The following EXD2 variants were observed in gnomAD, a reference collection of about 807,000 sequenced individuals.
EXD2 encodes exonuclease 3'-5' domain containing 2.
EXD2 carries 40 observed loss-of-function variants against 62.5 expected under a neutral mutation model. The ratio of observed to expected loss-of-function variants is 0.64; its 90% CI spans 0.50 to 0.83. The LOEUF (loss-of-function observed/expected upper bound fraction) is 0.83. EXD2 is among the 40% of genes least tolerant of loss of function. EXD2 has a pLI of 0.00. For synonymous variants in EXD2, 239 were observed against 291.9 expected (o/e 0.82, Z 1.85); for missense variants, 671 against 761.8 (o/e 0.88, Z 1.40).
Position 69,241,298 on chromosome 14 carries a change from C to T in EXD2, c.*198C>T, listed in dbSNP as rs980721163. 3.0e-5 allele frequency: 16 copies of T among 538,812 alleles called. No homozygotes were observed. The highest frequency in any genetic ancestry group is 1.2e-4 in the South Asian group (4 of 32,544). 33.4% of individuals were successfully genotyped at this position (538,812 alleles called of 1,614,324 possible). A position where few individuals can be genotyped will look rare whatever the true frequency, so the allele number is the denominator to read the frequency against. On this transcript the variant is annotated 3_prime_UTR_variant, in exon 10 of 10. Coordinates refer to ENST00000685843, the MANE Select transcript of EXD2 (RefSeq NM_001193360.2). ...AGAGTTTATGGTTTTGGATTTTAAA[C>T]GGGCAGGGTCTTTTTTCCTCTCATT...
At chr14:69,222,124 G>A (rs144299849) in intron 3 of EXD2, among the ~76,000 whole-genome samples, 8 of 150,530 alleles carry the variant, frequency 5.3e-5, no homozygotes, top group African/African-American at 1.7e-4. Context: ...ATTTGTTTAT[G>A]ATATCCTCTG....
rs930711699 is a variant in EXD2 at position 69,226,772 on chromosome 14, A to C, written c.334-2044A>C. ...AAAAGTTGAGGGCCAGAGCCCTCCCAGTTTTTTTTTTTTTTTTTTTAACAG... is the reference window on the plus strand; with the variant it reads ...AAAAGTTGAGGGCCAGAGCCCTCCCCGTTTTTTTTTTTTTTTTTTTAACAG... On this transcript the variant is annotated intron_variant, in intron 3 of 9. Transcript: ENST00000685843. 3.0e-3 allele frequency among the ~76,000 whole-genome samples: 291 copies of C among 98,628 alleles called. 1 individual carries two copies. The highest frequency in any genetic ancestry group is 0.014 in the African/African-American group (284 of 20,936). The allele number at this position is 98,628 out of a possible 152,430, so 64.7% of individuals were successfully genotyped here. A position where few individuals can be genotyped will look rare whatever the true frequency, so the allele number is the denominator to read the frequency against.
At chr14:69,207,899 T>TA (rs1213168207) in intron 2 of EXD2, among the ~76,000 whole-genome samples, 1 of 151,892 alleles carries the variant, frequency 6.6e-6, no homozygotes, top group Non-Finnish European at 1.5e-5. Context: ...TTTACTTTTT[T>TA]TTTTTTTTTC....
intron 6 of EXD2, 75 bp from the exon 7 acceptor site, chr14:69,235,971 G>A: frequency 6.7e-6 from 7 of 1,046,978 alleles, no homozygotes; most frequent in Non-Finnish European, 1.1e-5. Flanking sequence ...ACTCAGAAGA[G>A]AGCATGGGAA....
At chr14:69,222,921 T>C (rs974629873) in intron 3 of EXD2, among the ~76,000 whole-genome samples, 2 of 152,204 alleles carry the variant, frequency 1.3e-5, no homozygotes, top group Admixed American at 1.3e-4. Flanking sequence ...AGACATATGG[T>C]GAATTAGAGA....
chr14:69,199,939 C>T (rs1209239367), intron 1 of EXD2, among the ~76,000 whole-genome samples: 1 of 152,138 alleles, frequency 6.6e-6, no homozygotes, highest in East Asian at 1.9e-4. Context: ...ATGTGCTATA[C>T]ATAATTGCAT....
At chr14:69,193,709 G>A (rs2042107946) in intron 1 of EXD2, among the ~76,000 whole-genome samples, 1 of 151,864 alleles carries the variant, frequency 6.6e-6, no homozygotes, top group South Asian at 2.1e-4. Flanking sequence ...TAAAATTTTA[G>A]GTTTTAATTT....
intron 1 of EXD2, among the ~76,000 whole-genome samples, chr14:69,193,060 CTTT>C (rs1555385968): frequency 2.9e-5 from 4 of 138,104 alleles, no homozygotes; most frequent in Non-Finnish European, 3.2e-5. Context: ...TTCTCTCTCT[CTTT>C]TTTTTTTTTT....
chr14:69,193,374 A>G (rs1224444388), intron 1 of EXD2, among the ~76,000 whole-genome samples: 1 of 152,068 alleles, frequency 6.6e-6, no homozygotes. Context: ...TGCTCTTTTG[A>G]TCATTTAATG....
chr14:69,202,388 T>C (rs1218870431), intron 1 of EXD2, among the ~76,000 whole-genome samples: 1 of 151,840 alleles, frequency 6.6e-6, no homozygotes, highest in East Asian at 1.9e-4. Context: ...AAAAAATAAA[T>C]AAAAATAAAA....
At chr14:69,212,698 G>GTTTTT (rs2042848880) in intron 3 of EXD2, among the ~76,000 whole-genome samples, 2 of 58,912 alleles carry the variant, frequency 3.4e-5, no homozygotes, top group Admixed American at 2.2e-4. Context: ...AATGGTTCTT[G>GTTTTT]ATTTTTTTTT....
chr14:69,210,800 A>AC (rs1264285741), intron 3 of EXD2, among the ~76,000 whole-genome samples: 1 of 152,002 alleles, frequency 6.6e-6, no homozygotes, highest in Non-Finnish European at 1.5e-5. Flanking sequence ...GCAGAGGGAG[A>AC]TCCTGTCTCG....
chr14:69,228,785 T>G, intron 3 of EXD2, 31 bp from the exon 4 acceptor site: 1 of 1,590,998 alleles, frequency 6.3e-7, no homozygotes. Context: ...TGCTCAGGTG[T>G]GAACCACAAC....
intron 1 of EXD2, among the ~76,000 whole-genome samples, chr14:69,195,099 C>A (rs772633984): frequency 5.9e-5 from 9 of 152,062 alleles, no homozygotes; most frequent in Non-Finnish European, 1.2e-4. Flanking sequence ...CGCCTGTAAT[C>A]CCAGCTACTC....
rs375110406 is a variant in EXD2, at chr14:69,221,521, A to G, written c.334-7295A>G. Among the ~76,000 whole-genome samples, 24 of 152,022 alleles carry G rather than the reference A, an allele frequency of 1.6e-4. No homozygotes were observed. In the South Asian group the frequency reaches 2.7e-3, roughly 17 times the overall value. ...GGCTCATGCCTGTAATCCCACCACT[A>G]TGGGAGGCTGAGGCAGGAGGATCAC... is the stretch of plus-strand genomic sequence containing the variant. On this transcript the variant is annotated intron_variant, in intron 3 of 9. Coordinates refer to ENST00000685843, the MANE Select transcript of EXD2 (RefSeq NM_001193360.2).
intron 3 of EXD2, among the ~76,000 whole-genome samples, chr14:69,217,361 AC>A (rs1330062016): frequency 1.3e-5 from 2 of 152,116 alleles, no homozygotes; most frequent in African/African-American, 4.8e-5. Context: ...ACCAAGGTCA[AC>A]TTTTTTAGAT....
chr14:69,237,390 A>G (rs1385588325), intron 8 of EXD2, among the ~76,000 whole-genome samples, 185 bp from the exon 9 acceptor site: 1 of 152,186 alleles, frequency 6.6e-6, no homozygotes, highest in Non-Finnish European at 1.5e-5. Flanking sequence ...GAGGAAGCTA[A>G]GACACAGATG....
intron 3 of EXD2, among the ~76,000 whole-genome samples, chr14:69,219,868 A>G (rs1159500987): frequency 6.6e-6 from 1 of 152,112 alleles, no homozygotes; most frequent in African/African-American, 2.4e-5. Flanking sequence ...TACAGTGTTC[A>G]GTAGATGTGG....
intron 1 of EXD2, among the ~76,000 whole-genome samples, chr14:69,200,169 A>G (rs981353773): frequency 3.3e-5 from 5 of 152,232 alleles, no homozygotes; most frequent in Non-Finnish European, 7.3e-5. Context: ...TATACAGCAC[A>G]TGACTATATT....
Sources: allele counts gnomAD v4.1 joint callset (sites outside exome capture counted in the v4.1 genomes callset), GRCh38; gene constraint gnomAD v4.1.1; transcripts MANE v1.5; gene names NCBI Gene and HGNC (gene_info 2026-07-23, HGNC 2026-07-21).